GRIA4: variants seen among roughly 807,000 people sequenced by gnomAD.
GRIA4 encodes glutamate ionotropic receptor AMPA type subunit 4.
Under a neutral mutation model 104.0 loss-of-function variants are expected in GRIA4, and 34 were observed. The observed-to-expected ratio is 0.33, with a 90% CI of 0.25 to 0.44. The LOEUF is 0.44. GRIA4 is among the 20% of genes least tolerant of loss of function. The probability of loss-of-function intolerance (pLI) is 1.00; values close to 1 mark genes in which losing one functional copy is unlikely to be tolerated. For missense variants in GRIA4, 750 were observed against 1,096.5 expected, an observed-to-expected ratio of 0.68 and a Z score of 4.46; for synonymous variants, 386 against 381.9, an observed-to-expected ratio of 1.01 and a Z score of -0.13.
At chr11:105,839,531 C>A (rs940235577) in intron 4 of GRIA4, among the ~76,000 whole-genome samples, 6 of 149,104 alleles carry the variant, frequency 4.0e-5, no homozygotes, top group African/African-American at 1.5e-4. Context: ...CTCTTCCTTA[C>A]AAAACACATA....
intron 3 of GRIA4, among the ~76,000 whole-genome samples, chr11:105,672,585 T>C (rs939113398): frequency 6.6e-6 from 1 of 152,170 alleles, no homozygotes; most frequent in Non-Finnish European, 1.5e-5. Flanking sequence ...CAGAAACAGT[T>C]TAACTTTTGA....
At chr11:105,850,846 G>T (rs150780572) in intron 4 of GRIA4, among the ~76,000 whole-genome samples, 2 of 152,232 alleles carry the variant, frequency 1.3e-5, no homozygotes, top group African/African-American at 4.8e-5. Context: ...GTGCTTCGTG[G>T]TCAGGGATAT....
At chr11:105,809,678 C>T (rs1338010086) in intron 4 of GRIA4, among the ~76,000 whole-genome samples, 2 of 152,034 alleles carry the variant, frequency 1.3e-5, no homozygotes, top group Non-Finnish European at 2.9e-5. Flanking sequence ...GCCTTGCTTC[C>T]CCTTTGCCTT....
intron 4 of GRIA4, among the ~76,000 whole-genome samples, chr11:105,860,431 A>G (rs1945177363): frequency 6.6e-6 from 1 of 152,168 alleles, no homozygotes; most frequent in African/African-American, 2.4e-5. Context: ...TAATCCACCC[A>G]GCTCTCTACC....
intron 14 of GRIA4, among the ~76,000 whole-genome samples, chr11:105,969,087 A>G (rs1565372085): frequency 6.6e-6 from 1 of 152,228 alleles, no homozygotes; most frequent in Non-Finnish European, 1.5e-5. Flanking sequence ...GTGTTATTAT[A>G]CCAAATAATG....
intron 4 of GRIA4, among the ~76,000 whole-genome samples, chr11:105,807,879 C>A (rs1027928646): frequency 6.6e-6 from 1 of 151,874 alleles, no homozygotes; most frequent in African/African-American, 2.4e-5. Context: ...GTTCTGAATA[C>A]TTCTCATAGT....
At chr11:105,822,794 A>G (rs962316378) in intron 4 of GRIA4, among the ~76,000 whole-genome samples, 1 of 152,152 alleles carries the variant, frequency 6.6e-6, no homozygotes, top group African/African-American at 2.4e-5. Context: ...AATATGTCAC[A>G]AAAGTATATA....
At chr11:105,910,317 T>C in intron 9 of GRIA4, 118 bp from the exon 10 acceptor site, 1 of 619,266 alleles carries the variant, frequency 1.6e-6, no homozygotes, top group East Asian at 2.8e-5. Flanking sequence ...TGTTGGCTTT[T>C]GTTTTGTTTG....
chr11:105,813,949 T>C (rs1943277506), intron 4 of GRIA4, among the ~76,000 whole-genome samples: 1 of 152,194 alleles, frequency 6.6e-6, no homozygotes, highest in Non-Finnish European at 1.5e-5. Context: ...TTTCAGGTGA[T>C]ATTTCTGCTA....
chr11:105,763,371 G>A (rs1384709165), intron 4 of GRIA4, among the ~76,000 whole-genome samples: 3 of 152,120 alleles, frequency 2.0e-5, no homozygotes, highest in Non-Finnish European at 4.4e-5. Context: ...TGTCATTAGC[G>A]TTCTGTGTTG....
intron 4 of GRIA4, among the ~76,000 whole-genome samples, chr11:105,840,715 T>C (rs554647382): frequency 3.9e-5 from 6 of 152,308 alleles, no homozygotes; most frequent in African/African-American, 1.4e-4. Flanking sequence ...TTTATTAAAC[T>C]TAAAATAGTA....
chr11:105,815,837 T>C (rs1268501701), intron 4 of GRIA4, among the ~76,000 whole-genome samples: 1 of 152,218 alleles, frequency 6.6e-6, no homozygotes, highest in Admixed American at 6.5e-5. Context: ...CCTTACCTTC[T>C]TATGAAATCT....
intron 10 of GRIA4, chr11:105,911,828 G>T: frequency 2.8e-6 from 2 of 726,444 alleles, no homozygotes; most frequent in Non-Finnish European, 3.8e-6. Flanking sequence ...TCCTAAAAAA[G>T]ACACAGTAAT....
At chr11:105,640,680 A>G (rs1357446588) in intron 3 of GRIA4, among the ~76,000 whole-genome samples, 1 of 151,888 alleles carries the variant, frequency 6.6e-6, no homozygotes. Context: ...TTTCTATTTA[A>G]TATATTTCTA....
At chr11:105,806,972 TAA>T in intron 4 of GRIA4, among the ~76,000 whole-genome samples, 1 of 151,690 alleles carries the variant, frequency 6.6e-6, no homozygotes, top group Non-Finnish European at 1.5e-5. Context: ...GTGAAAAACT[TAA>T]GAGATATTGA....
At chr11:105,907,665 G>A (rs141417368) in intron 9 of GRIA4, among the ~76,000 whole-genome samples, 19 of 152,288 alleles carry the variant, frequency 1.2e-4, no homozygotes, top group Middle Eastern at 3.4e-3. Context: ...GAATGCTCCA[G>A]AGCTGCATGG....
At chr11:105,822,946 C>T (rs185049799) in intron 4 of GRIA4, among the ~76,000 whole-genome samples, 97 of 152,160 alleles carry the variant, frequency 6.4e-4, no homozygotes, top group African/African-American at 2.2e-3. Context: ...TGCTTCTGAA[C>T]ATTTCTTCTT....
chr11:105,674,305 T>C (rs2135447139), intron 3 of GRIA4, among the ~76,000 whole-genome samples: 1 of 151,996 alleles, frequency 6.6e-6, no homozygotes, highest in East Asian at 1.9e-4. Flanking sequence ...TAAATAACAA[T>C]TTTGCTAAGT....
At chr11:105,922,500 G>A (rs1404718672) in intron 11 of GRIA4, among the ~76,000 whole-genome samples, 1 of 152,070 alleles carries the variant, frequency 6.6e-6, no homozygotes, top group Admixed American at 6.6e-5. Flanking sequence ...GATGTTCATA[G>A]CTTCACTGTT....
Sources: gnomAD v4.1 joint callset for allele counts (sites outside exome capture counted in the v4.1 genomes callset) on GRCh38, gnomAD v4.1.1 for gene constraint, MANE v1.5 for transcripts, NCBI Gene and HGNC (gene_info 2026-07-23, HGNC 2026-07-21) for gene names.